MYO5A: variants seen among roughly 807,000 people sequenced by gnomAD.
MYO5A encodes the protein myosin VA.
In MYO5A, 98 loss-of-function variants were observed where a neutral mutation model predicts 249.7. That is an observed-to-expected ratio of 0.39 (90% CI 0.33 to 0.46). The LOEUF (loss-of-function observed/expected upper bound fraction) is 0.46. Ranked by LOEUF, MYO5A falls within the 20% of genes least tolerant of loss-of-function variation. MYO5A has a pLI of 0.98. For synonymous variants in MYO5A, 778 were observed against 810.6 expected, an observed-to-expected ratio of 0.96 and a Z score of 0.68; for missense variants, 1,696 against 2,308.8, an observed-to-expected ratio of 0.73 and a Z score of 5.44.
chr15:52,313,454 A>C lies in MYO5A; in HGVS notation c.*242T>G, dbSNP rs1054606622. 6 of 509,970 alleles carry C rather than the reference A, an allele frequency of 1.2e-5. No individual in the cohort carries two copies. Among genetic ancestry groups the C allele is most frequent in the Admixed American group, 6.4e-5 (2 of 31,334 alleles). The allele number at this position is 509,970 out of a possible 1,614,324, so 31.6% of individuals were successfully genotyped here. On this transcript the variant is annotated 3_prime_UTR_variant, in exon 42 of 42. Transcript: ENST00000399233. Reference sequence around the variant, plus strand: ...TTCCTTCCATCATTCTCCTGTATGTAAACTCACGGTACCTAGTTGGTTAAG... The same window carrying C: ...TTCCTTCCATCATTCTCCTGTATGTCAACTCACGGTACCTAGTTGGTTAAG...
chr15:52,355,719 T>A (rs1345156780), intron 25 of MYO5A, among the ~76,000 whole-genome samples: 1 of 152,160 alleles, frequency 6.6e-6, no homozygotes, highest in Non-Finnish European at 1.5e-5. Context: ...GTATTATAAG[T>A]AATGTAGAGA....
At chr15:52,315,480 T>C (rs2037957067) in intron 40 of MYO5A, among the ~76,000 whole-genome samples, 1 of 152,158 alleles carries the variant, frequency 6.6e-6, no homozygotes, top group Non-Finnish European at 1.5e-5. Context: ...GTTCAAGTCA[T>C]TCTCCTGCCT....
In MYO5A at chr15:52,436,716, A is replaced by G. The variant is rs557389791; in HGVS notation, c.28-3431T>C. Reference sequence around the variant, plus strand: ...ACCTGACACAGAGCTGGTGCTTAGTAAGAACTTATCGAAAGAAGATCAGAA... The same window carrying G: ...ACCTGACACAGAGCTGGTGCTTAGTGAGAACTTATCGAAAGAAGATCAGAA... On this transcript the variant is annotated intron_variant, in intron 1 of 41. Coordinates refer to ENST00000399233, the MANE Select transcript of MYO5A (RefSeq NM_001382347.1). Among the ~76,000 whole-genome samples the G allele has an allele frequency of 3.3e-5, 5 of 152,366 alleles. No individual in the cohort carries two copies. The South Asian group carries it at 1.0e-3, about 32-fold the overall frequency.
At chr15:52,399,640 C>T (rs188725505) in intron 9 of MYO5A, among the ~76,000 whole-genome samples, 26 of 151,996 alleles carry the variant, frequency 1.7e-4, no homozygotes, top group African/African-American at 6.0e-4. Flanking sequence ...AAAGTATATA[C>T]CTGAAACTTT....
chr15:52,330,578 G>T, intron 34 of MYO5A, 79 bp from the exon 35 acceptor site: 1 of 1,529,486 alleles, frequency 6.5e-7, no homozygotes, highest in Non-Finnish European at 9.0e-7. Context: ...CTATAATTTT[G>T]AATGCATTCT....
intron 1 of MYO5A, among the ~76,000 whole-genome samples, chr15:52,450,372 A>T (rs577716177): frequency 1.4e-3 from 216 of 151,996 alleles, no homozygotes; most frequent in African/African-American, 5.0e-3. Flanking sequence ...TTAAAAAAAA[A>T]AATTAGAGAT....
At chr15:52,448,402 T>C (rs913137384) in intron 1 of MYO5A, among the ~76,000 whole-genome samples, 1 of 152,358 alleles carries the variant, frequency 6.6e-6, no homozygotes, top group Non-Finnish European at 1.5e-5. Flanking sequence ...TGTACCTCCA[T>C]TATATCTTGG....
At position 52,372,274 on chromosome 15, in the gene MYO5A, G is replaced by A; in HGVS notation, c.2667C>T (p.Ile889=). 6.2e-7 allele frequency: 1 copy of A among 1,611,604 alleles called. No individual in the cohort carries two copies. The highest frequency in any genetic ancestry group is 1.1e-5 in the South Asian group (1 of 91,054). ...GCCTGAAGCAGCACTGAAGGTAGAT[G>A]ATGGCATGCATGCTCCTCTTGTAGT... ...RTHYKRSMHA[I]IYLQCCFRRM... Residue 889 remains isoleucine (I), a synonymous_variant, in exon 21 of 42, where the codon ATC becomes ATT. Coordinates refer to ENST00000399233, the MANE Select transcript of MYO5A (RefSeq NM_001382347.1).
At chr15:52,346,486 G>T (rs745863890) in intron 29 of MYO5A, 25 bp from the exon 30 acceptor site, 8 of 1,398,330 alleles carry the variant, frequency 5.7e-6, no homozygotes, top group Non-Finnish European at 8.1e-6. Flanking sequence ...ACACATTTAC[G>T]CATTAAGATT....
chr15:52,488,455 G>A (rs1377929369), intron 1 of MYO5A, among the ~76,000 whole-genome samples: 1 of 152,156 alleles, frequency 6.6e-6, no homozygotes, highest in African/African-American at 2.4e-5. Context: ...GCAAATATGT[G>A]AACTCTAAAG....
intron 1 of MYO5A, among the ~76,000 whole-genome samples, chr15:52,481,129 G>A (rs2076706493): frequency 6.6e-6 from 1 of 152,176 alleles, no homozygotes; most frequent in Admixed American, 6.5e-5. Context: ...TTAGGTGCAA[G>A]CACATTTATC....
Position 52,376,328 on chromosome 15 carries a change from C to A in MYO5A, c.2420+19G>T. The A allele has an allele frequency of 6.2e-7, 1 of 1,611,972 alleles. No homozygotes were observed. The highest frequency in any genetic ancestry group is 8.5e-7 in the Non-Finnish European group (1 of 1,178,864). The stretch of plus-strand genomic sequence containing the variant: ...CAGTGAATTAGATGGGCACTCTACT[C>A]TGTCCCCAGGAGACCTACCATCGGG... On this transcript the variant is annotated intron_variant, in intron 19 of 41. Transcript: ENST00000399233.
At chr15:52,524,895 A>C (rs1014125989) in intron 1 of MYO5A, among the ~76,000 whole-genome samples, 3 of 147,542 alleles carry the variant, frequency 2.0e-5, no homozygotes, top group East Asian at 2.0e-4. Flanking sequence ...AAAAAAAAAA[A>C]AACCCAGCTT....
intron 27 of MYO5A, 66 bp from the exon 28 acceptor site, chr15:52,351,547 T>G: frequency 6.9e-7 from 1 of 1,446,262 alleles, no homozygotes; most frequent in South Asian, 1.1e-5. Context: ...TGCTCAAACT[T>G]CTCCCAAGCT....
chr15:52,335,316 G>T lies in MYO5A; in HGVS notation c.4408+1147C>A, dbSNP rs1161692776. Reference sequence around the variant, plus strand: ...ATGGATCACGAGCTCAGGAGTTCGAGATCAGCCTGGCCAACATGGTGAAAC... The same window carrying T: ...ATGGATCACGAGCTCAGGAGTTCGATATCAGCCTGGCCAACATGGTGAAAC... On this transcript the variant is annotated intron_variant, in intron 34 of 41. Coordinates refer to ENST00000399233, the MANE Select transcript of MYO5A (RefSeq NM_001382347.1). Among the ~76,000 whole-genome samples the T allele has an allele frequency of 2.0e-5, 3 of 152,118 alleles. No individual in the cohort carries two copies. The East Asian group carries it at 5.8e-4, about 29-fold the overall frequency.
Position 52,488,944 on chromosome 15 carries a change from G to A in MYO5A, c.27+39836C>T, listed in dbSNP as rs543099696. Among the ~76,000 whole-genome samples, 5 of 152,290 alleles carry A rather than the reference G, an allele frequency of 3.3e-5. No individual in the cohort carries two copies. In the East Asian group the frequency reaches 7.7e-4, roughly 23 times the overall value. On this transcript the variant is annotated intron_variant, in intron 1 of 41. Transcript: ENST00000399233. ...TCAGTAACAACTGCCCATGGGAGGA[G>A]GCATTATAGCAAGATTTCCACAGCA...
rs768339566 is a variant in MYO5A at position 52,407,368 on chromosome 15, T to C, written c.870A>G (p.Gln290=). ...CTCCTTCAATCACAGGACTGCCTCC[T>C]TGTTTTGTGTAATTAAAGTTATCTG... The part of the protein sequence containing the change: ...GNADNFNYTK[Q]GGSPVIEGVD... The change falls in exon 8 of 42, where the codon CAA becomes CAG. Residue 290 remains glutamine (Q), a synonymous_variant. Coordinates refer to ENST00000399233, the MANE Select transcript of MYO5A (RefSeq NM_001382347.1). 3.1e-6 allele frequency: 5 copies of C among 1,613,612 alleles called. No homozygotes were observed. The highest frequency in any genetic ancestry group is 1.7e-5 in the Admixed American group (1 of 60,004).
intron 28 of MYO5A, among the ~76,000 whole-genome samples, chr15:52,349,086 G>C (rs1483768557): frequency 2.0e-5 from 3 of 152,046 alleles, no homozygotes; most frequent in Non-Finnish European, 4.4e-5. Context: ...AAATTGTTTT[G>C]ATTTTTCTGG....
chr15:52,487,316 T>C (rs1226350479), intron 1 of MYO5A, among the ~76,000 whole-genome samples: 1 of 152,056 alleles, frequency 6.6e-6, no homozygotes, highest in Admixed American at 6.5e-5. Flanking sequence ...CTCAGGGGGC[T>C]GAGGTGGGAG....
Sources: allele counts gnomAD v4.1 joint callset (sites outside exome capture counted in the v4.1 genomes callset), GRCh38; gene constraint gnomAD v4.1.1; transcripts MANE v1.5; gene names NCBI Gene and HGNC (gene_info 2026-07-23, HGNC 2026-07-21).